The following CAMTA1 variants were observed in gnomAD, a reference collection of about 807,000 sequenced individuals.
CAMTA1 encodes the protein calmodulin binding transcription activator 1, also known as calmodulin-binding transcription activator 1.
In CAMTA1, 27 loss-of-function variants were observed where a neutral mutation model predicts 170.9. The observed-to-expected ratio is 0.16, with a 90% CI of 0.12 to 0.22. The LOEUF is 0.22. CAMTA1 is among the 10% of genes least tolerant of loss of function. The pLI, the probability that CAMTA1 is intolerant of heterozygous loss-of-function variation, is 1.00. For synonymous variants in CAMTA1, 833 were observed against 891.5 expected, an observed-to-expected ratio of 0.93 and a Z score of 1.17; for missense variants, 1,619 against 2,217.2, an observed-to-expected ratio of 0.73 and a Z score of 5.42.
intron 3 of CAMTA1, among the ~76,000 whole-genome samples, chr1:6,936,415 G>A (rs1484369483): frequency 1.3e-5 from 2 of 152,210 alleles, no homozygotes; most frequent in South Asian, 4.2e-4. Flanking sequence ...AGTGTTTCTG[G>A]TGGTGCCTGG....
intron 6 of CAMTA1, among the ~76,000 whole-genome samples, chr1:7,493,648 G>T (rs1393831078): frequency 1.3e-4 from 3 of 23,362 alleles, no homozygotes; most frequent in African/African-American, 5.2e-4. Context: ...GGAACTGGGG[G>T]GGGGGGGGGG....
At chr1:7,621,865 G>C (rs1056609292) in intron 6 of CAMTA1, among the ~76,000 whole-genome samples, 1 of 152,168 alleles carries the variant, frequency 6.6e-6, no homozygotes, top group South Asian at 2.1e-4. Context: ...CAAAATTCCT[G>C]GCACCAGCTC....
intron 7 of CAMTA1, among the ~76,000 whole-genome samples, chr1:7,652,837 G>C (rs2095856453): frequency 6.6e-6 from 1 of 152,094 alleles, no homozygotes; most frequent in African/African-American, 2.4e-5. Context: ...TGAAAGCCAG[G>C]CAGGTCGCCC....
chr1:6,973,901 G>A (rs964001563), intron 3 of CAMTA1, among the ~76,000 whole-genome samples: 2 of 152,232 alleles, frequency 1.3e-5, no homozygotes, highest in Non-Finnish European at 2.9e-5. Context: ...AGCCGGGGAA[G>A]GGGCTTTCAC....
intron 5 of CAMTA1, among the ~76,000 whole-genome samples, chr1:7,276,303 A>ATATATATATATATTTTTTTTTTTTTT: frequency 4.1e-5 from 1 of 24,230 alleles, no homozygotes; most frequent in African/African-American, 3.0e-4. Flanking sequence ...ATATATATAT[A>ATATATATATATATTTTTTTTTTTTTT]TTTTTTTTTT....
intron 5 of CAMTA1, among the ~76,000 whole-genome samples, chr1:7,412,680 G>A (rs1344558141): frequency 3.9e-5 from 6 of 152,050 alleles, no homozygotes; most frequent in Non-Finnish European, 5.9e-5. Flanking sequence ...AGTAGGTTGC[G>A]AAAATTTTCT....
intron 5 of CAMTA1, among the ~76,000 whole-genome samples, chr1:7,399,272 A>T (rs1433908127): frequency 6.6e-6 from 1 of 152,136 alleles, no homozygotes; most frequent in Non-Finnish European, 1.5e-5. Flanking sequence ...TCTCTCTTGC[A>T]TTTATTTATC....
chr1:7,129,619 A>C (rs1271211859), intron 4 of CAMTA1, among the ~76,000 whole-genome samples: 2 of 151,284 alleles, frequency 1.3e-5, no homozygotes, highest in Non-Finnish European at 2.9e-5. Flanking sequence ...AATAGTGCTT[A>C]ATTTGTTCAT....
chr1:6,796,836 C>T (rs1353918825), intron 1 of CAMTA1, among the ~76,000 whole-genome samples: 2 of 152,182 alleles, frequency 1.3e-5, no homozygotes, highest in African/African-American at 4.8e-5. Context: ...GGCTAAGCCT[C>T]CGGCCCATAG....
In CAMTA1 at chr1:7,092,612, C is replaced by G. The variant is rs1641625993; in HGVS notation, c.302+1241C>G. Among the ~76,000 whole-genome samples the G allele has an allele frequency of 6.6e-6, 1 of 152,200 alleles. No individual in the cohort carries two copies. The highest frequency in any genetic ancestry group is 1.5e-5 in the Non-Finnish European group (1 of 68,036). ...CCCCAAAACCTCAGCCTGCTGGAACCATGGTTTTTCCTTTGCTATAAAATC... is the reference window on the plus strand; with the variant it reads ...CCCCAAAACCTCAGCCTGCTGGAACGATGGTTTTTCCTTTGCTATAAAATC... On this transcript the variant is annotated intron_variant, in intron 4 of 22. Transcript: ENST00000303635. This position sits in a 1 kb window ranked among gnomAD's most constrained non-coding sequence, Gnocchi z 5.0.
At chr1:7,363,043 G>A (rs1022640347) in intron 5 of CAMTA1, among the ~76,000 whole-genome samples, 2 of 152,208 alleles carry the variant, frequency 1.3e-5, no homozygotes, top group Non-Finnish European at 2.9e-5. Context: ...GCTCGCAGAG[G>A]TGCTCTGTAG....
chr1:7,743,308 A>G (rs2096831852), intron 16 of CAMTA1, among the ~76,000 whole-genome samples: 1 of 152,134 alleles, frequency 6.6e-6, no homozygotes, highest in South Asian at 2.1e-4. Context: ...ATTATCCACA[A>G]TAAGCATTTT....
chr1:7,037,305 C>G (rs925927865), intron 3 of CAMTA1, among the ~76,000 whole-genome samples: 1 of 152,150 alleles, frequency 6.6e-6, no homozygotes, highest in African/African-American at 2.4e-5. Flanking sequence ...GGCATGTTTA[C>G]CTGCCAGCAT....
At position 7,665,042 on chromosome 1, in the gene CAMTA1, A is replaced by T; in HGVS notation, c.2495A>T (p.Gln832Leu). The T allele has an allele frequency of 6.3e-7, 1 of 1,582,130 alleles. No homozygotes were observed. The change falls in exon 9 of 23, where the codon CAG becomes CTG. Residue 832 changes from glutamine (Q) to leucine (L), a missense_variant. This residue lies in a region of CAMTA1 where 731 missense variants were observed against 907.6 expected (regional missense o/e 0.81). Coordinates refer to ENST00000303635, the MANE Select transcript of CAMTA1 (RefSeq NM_015215.4). The surrounding 1 kb of genome is among the most constrained non-coding windows in gnomAD (Gnocchi z 4.3). ...TGTAGCCCCCAGCAGGGTAGCCTGC[A>T]GCTGAGCAGCTCGGAGGGCGGGGCC... is the stretch of plus-strand genomic sequence containing the variant. ...PCCSPQQGSL[Q>L]LSSSEGGAST...
In CAMTA1 at chr1:7,665,997, G is replaced by T. The variant is rs1232171356; in HGVS notation, c.2652+798G>T. Among the ~76,000 whole-genome samples, 1 of 151,756 alleles carries T rather than the reference G, an allele frequency of 6.6e-6. No individual in the cohort carries two copies. The highest frequency in any genetic ancestry group is 1.5e-5 in the Non-Finnish European group (1 of 67,948). ...AGCCTGGCCAACATGGTGAAACCCC[G>T]TCTCTACTAAAAATACAAAAAATTA... On this transcript the variant is annotated intron_variant, in intron 9 of 22. Coordinates refer to ENST00000303635, the MANE Select transcript of CAMTA1 (RefSeq NM_015215.4). The surrounding 1 kb of genome is among the most constrained non-coding windows in gnomAD (Gnocchi z 4.3).
At chr1:6,813,247 A>C (rs1352546533) in intron 1 of CAMTA1, among the ~76,000 whole-genome samples, 2 of 152,212 alleles carry the variant, frequency 1.3e-5, no homozygotes, top group Non-Finnish European at 2.9e-5. Flanking sequence ...CTTGGGGTAC[A>C]TGTTGAATTG....
intron 1 of CAMTA1, among the ~76,000 whole-genome samples, chr1:6,792,826 C>A (rs1477816558): frequency 6.6e-6 from 1 of 152,122 alleles, no homozygotes; most frequent in Non-Finnish European, 1.5e-5. Flanking sequence ...AAGGTAACTT[C>A]AAGGAAGATA....
rs2093565062 is a variant in CAMTA1 at position 7,483,158 on chromosome 1, A to G, written c.510+15257A>G. On this transcript the variant is annotated intron_variant, in intron 6 of 22. Coordinates refer to ENST00000303635, the MANE Select transcript of CAMTA1 (RefSeq NM_015215.4). ...CCTGCAGGCTCAGGACATATTTGAG[A>G]GCAGGAAAGAGGCAGTGAGGGAAAG... is the stretch of plus-strand genomic sequence containing the variant. 2.0e-5 allele frequency among the ~76,000 whole-genome samples: 3 copies of G among 152,282 alleles called. No individual in the cohort carries two copies. The South Asian group carries it at 6.2e-4, about 32-fold the overall frequency.
chr1:7,347,845 T>C (rs917258823), intron 5 of CAMTA1, among the ~76,000 whole-genome samples: 3 of 152,132 alleles, frequency 2.0e-5, no homozygotes, highest in African/African-American at 7.2e-5. Context: ...GAAGCTGCCA[T>C]TGGAGTCAGG....
Sources: gnomAD v4.1 joint callset for allele counts (sites outside exome capture counted in the v4.1 genomes callset) on GRCh38, gnomAD v4.1.1 for gene constraint, gnomAD v4.1.1 regional missense constraint, Gnocchi (gnomAD v3.1) non-coding constraint, MANE v1.5 for transcripts, NCBI Gene and HGNC (gene_info 2026-07-23, HGNC 2026-07-21) for gene names.